The following ADAM12 variants were observed in gnomAD, a reference collection of about 807,000 sequenced individuals.
The protein encoded by ADAM12 is ADAM metallopeptidase domain 12.
In ADAM12, 70 loss-of-function variants were observed where a neutral mutation model predicts 106.4. The ratio of observed to expected loss-of-function variants is 0.66; its 90% CI spans 0.54 to 0.80. ADAM12 has a LOEUF of 0.80. Among genes scored for constraint, ADAM12 ranks in the 30% least tolerant of loss-of-function variants. The pLI is 0.00. For synonymous variants in ADAM12, 420 were observed against 433.5 expected, an observed-to-expected ratio of 0.97 and a Z score of 0.39; for missense variants, 1,010 against 1,171.9, an observed-to-expected ratio of 0.86 and a Z score of 2.02.
chr10:126,203,646 C>G (rs1226826892), intron 3 of ADAM12, among the ~76,000 whole-genome samples: 1 of 152,224 alleles, frequency 6.6e-6, no homozygotes, highest in Non-Finnish European at 1.5e-5. Context: ...CAAACATACC[C>G]TAAATACCCT....
chr10:126,082,363 G>GTTTTTTTTTTTTTTTTTTTTTT (rs5788763), intron 11 of ADAM12, among the ~76,000 whole-genome samples: 1 of 80,772 alleles, frequency 1.2e-5, no homozygotes, highest in African/African-American at 5.3e-5. Context: ...TCTAATGACT[G>GTTTTTTTTTTTTTTTTTTTTTT]TTTTTTTTTT....
chr10:126,059,999 T>A (rs1432560953), intron 14 of ADAM12, among the ~76,000 whole-genome samples: 1 of 152,348 alleles, frequency 6.6e-6, no homozygotes, highest in South Asian at 2.1e-4. Flanking sequence ...GAACTGTGAA[T>A]AACATTTGTA....
intron 1 of ADAM12, among the ~76,000 whole-genome samples, chr10:126,372,287 G>A (rs1371835020): frequency 6.6e-6 from 1 of 152,144 alleles, no homozygotes; most frequent in South Asian, 2.1e-4. Flanking sequence ...GTGATACCAT[G>A]TGCCCCCTGT....
At chr10:126,345,910 CTCTTT>C (rs1855121136) in intron 1 of ADAM12, among the ~76,000 whole-genome samples, 2 of 152,034 alleles carry the variant, frequency 1.3e-5, no homozygotes, top group African/African-American at 4.8e-5. Context: ...TGATTCTTTT[CTCTTT>C]TCTTATTAGT....
At chr10:126,342,014 T>C (rs1272144021) in intron 1 of ADAM12, among the ~76,000 whole-genome samples, 1 of 152,154 alleles carries the variant, frequency 6.6e-6, no homozygotes, top group Non-Finnish European at 1.5e-5. Context: ...CATGGGAAAA[T>C]AGAATCTGAA....
At chr10:126,345,823 A>G (rs1198239139) in intron 1 of ADAM12, among the ~76,000 whole-genome samples, 1 of 152,154 alleles carries the variant, frequency 6.6e-6, no homozygotes, top group Non-Finnish European at 1.5e-5. Context: ...AGGTGTTTAT[A>G]GTATTCTCTG....
chr10:126,365,557 G>C (rs1257688785), intron 1 of ADAM12, among the ~76,000 whole-genome samples: 1 of 152,154 alleles, frequency 6.6e-6, no homozygotes, highest in African/African-American at 2.4e-5. Context: ...CAGGAAACTT[G>C]TGATCATAGC....
chr10:126,388,206 GC>G lies in ADAM12; in HGVS notation c.-62del. On this transcript the variant is annotated 5_prime_UTR_variant, in exon 1 of 23. Transcript: ENST00000448723. The surrounding 1 kb of genome is among the most constrained non-coding windows in gnomAD (Gnocchi z 4.4). ...GGCGGCGAGCGCTGCACCATCCCAC[GC>G]GGGCGCCGAGCCGGGGCCGGGCGTC... 8.4e-7 allele frequency: 1 copy of G among 1,197,230 alleles called. No homozygotes were observed. The highest frequency in any genetic ancestry group is 1.0e-6 in the Non-Finnish European group (1 of 965,498). The allele number at this position is 1,197,230 out of a possible 1,614,324, so 74.2% of individuals were successfully genotyped here.
intron 14 of ADAM12, among the ~76,000 whole-genome samples, chr10:126,061,165 G>A (rs537750210): frequency 2.6e-5 from 4 of 152,154 alleles, no homozygotes; most frequent in Non-Finnish European, 5.9e-5. Flanking sequence ...CTTACAGCCC[G>A]TTTTACAGAC....
intron 11 of ADAM12, among the ~76,000 whole-genome samples, chr10:126,074,813 G>A (rs371223405): frequency 3.9e-5 from 6 of 152,198 alleles, no homozygotes; most frequent in East Asian, 1.9e-4. Context: ...CCTCAGATGC[G>A]AAATGAGGTC....
At chr10:126,326,197 G>A (rs3892358) in intron 2 of ADAM12, among the ~76,000 whole-genome samples, 38,974 of 146,242 alleles carry the variant, frequency 0.27, 5,401 homozygotes, top group Middle Eastern at 0.37. Flanking sequence ...TAAAATCACC[G>A]GGGAGTATTT....
chr10:126,258,135 A>C (rs1958929172), intron 3 of ADAM12, among the ~76,000 whole-genome samples: 1 of 152,222 alleles, frequency 6.6e-6, no homozygotes, highest in African/African-American at 2.4e-5. Flanking sequence ...CTGTCTACTG[A>C]CAATATTTAA....
At chr10:126,228,981 T>C (rs1208733521) in intron 3 of ADAM12, among the ~76,000 whole-genome samples, 1 of 152,224 alleles carries the variant, frequency 6.6e-6, no homozygotes, top group Non-Finnish European at 1.5e-5. Flanking sequence ...TCAATTGGTA[T>C]GGAAAGAAAG....
At chr10:126,029,290 A>T (rs1160708817) in intron 21 of ADAM12, among the ~76,000 whole-genome samples, 1 of 152,088 alleles carries the variant, frequency 6.6e-6, no homozygotes, top group African/African-American at 2.4e-5. Flanking sequence ...ACACGCATGC[A>T]TATGTTCACT....
intron 5 of ADAM12, among the ~76,000 whole-genome samples, chr10:126,122,632 G>A (rs192080011): frequency 3.3e-5 from 5 of 152,166 alleles, no homozygotes; most frequent in Admixed American, 6.5e-5. Flanking sequence ...GTGGTGGCAC[G>A]CACCTGTAGT....
chr10:126,173,084 C>G (rs978952323), intron 3 of ADAM12, among the ~76,000 whole-genome samples: 1 of 152,090 alleles, frequency 6.6e-6, no homozygotes, highest in Admixed American at 6.6e-5. Flanking sequence ...GGGAGGTGAA[C>G]ATCACACACT....
intron 3 of ADAM12, among the ~76,000 whole-genome samples, chr10:126,237,116 C>T (rs1358770444): frequency 1.3e-5 from 2 of 152,172 alleles, no homozygotes; most frequent in Non-Finnish European, 2.9e-5. Flanking sequence ...TTTTCTAGCA[C>T]TCTTCAAATA....
intron 8 of ADAM12, among the ~76,000 whole-genome samples, chr10:126,104,905 G>C (rs999394439): frequency 6.6e-6 from 1 of 152,174 alleles, no homozygotes; most frequent in Non-Finnish European, 1.5e-5. Flanking sequence ...GTTGTTTTCT[G>C]GACTGAGACA....
intron 2 of ADAM12, among the ~76,000 whole-genome samples, chr10:126,281,673 T>C (rs886378694): frequency 6.6e-6 from 1 of 152,224 alleles, no homozygotes; most frequent in African/African-American, 2.4e-5. Flanking sequence ...CATTTTCTTT[T>C]GATTGTTACC....
Sources: gnomAD v4.1 joint callset for allele counts (sites outside exome capture counted in the v4.1 genomes callset) on GRCh38, gnomAD v4.1.1 for gene constraint, Gnocchi (gnomAD v3.1) non-coding constraint, MANE v1.5 for transcripts, NCBI Gene and HGNC (gene_info 2026-07-23, HGNC 2026-07-21) for gene names.